The following E2F2 variants were observed in gnomAD, a reference collection of about 807,000 sequenced individuals.
The protein encoded by E2F2 is transcription factor E2F2.
In E2F2, 22 loss-of-function variants were observed where a neutral mutation model predicts 42.2. The ratio of observed to expected loss-of-function variants is 0.52; its 90% CI spans 0.37 to 0.74. The LOEUF is 0.74. Among genes scored for constraint, E2F2 ranks in the 30% least tolerant of loss-of-function variants. E2F2 has a pLI of 0.00. For synonymous variants in E2F2, 248 were observed against 251.6 expected, an observed-to-expected ratio of 0.99 and a Z score of 0.13; for missense variants, 481 against 557.8, an observed-to-expected ratio of 0.86 and a Z score of 1.39.
downstream of E2F2, chr1:23,506,370 C>T (rs113935328): frequency 0.028 from 4,240 of 152,496 alleles, 183 homozygotes; most frequent in African/African-American, 0.095. Context: ...AACACCCAGC[C>T]TGCGGGGACC....
chr1:23,510,224 C>T (rs925413474), intron 6 of E2F2, 76 bp from the exon 7 acceptor site: 2 of 1,446,626 alleles, frequency 1.4e-6, no homozygotes, highest in Non-Finnish European at 9.1e-7. Context: ...ACTTCCGGTT[C>T]TCTGGATGAC....
At position 23,530,101 on chromosome 1, in the gene E2F2, G is replaced by A. The variant is rs1233001800; in HGVS notation, c.252+441C>T. ...TGTCCATGGCAGATTGGATGTGAGA[G>A]ACCCACTAGACCTATCCCTCTGTCT... On this transcript the variant is annotated intron_variant, in intron 1 of 6. Transcript: ENST00000361729. The surrounding 1 kb of genome is among the most constrained non-coding windows in gnomAD (Gnocchi z 4.4). 6.6e-6 allele frequency among the ~76,000 whole-genome samples: 1 copy of A among 152,184 alleles called. No homozygotes were observed. Among genetic ancestry groups the A allele is most frequent in the Non-Finnish European group, 1.5e-5 (1 of 68,022 alleles).
chr1:23,530,980 AGAGATCGCCGCTTG>A lies in E2F2; in HGVS notation c.-201_-188del, dbSNP rs1469598310. On this transcript the variant is annotated 5_prime_UTR_variant, in exon 1 of 7. Coordinates refer to ENST00000361729, the MANE Select transcript of E2F2 (RefSeq NM_004091.4). The surrounding 1 kb of genome is among the most constrained non-coding windows in gnomAD (Gnocchi z 4.4). Reference sequence around the variant, plus strand: ...CGCGGCCGAGCAGAGAGCAGCGCTTAGAGATCGCCGCTTGGAGATCGCCCGGCGGCTGCGGTGGT... The same window carrying A: ...CGCGGCCGAGCAGAGAGCAGCGCTTAGAGATCGCCCGGCGGCTGCGGTGGT... The A allele has an allele frequency of 2.1e-5, 13 of 626,320 alleles. No homozygotes were observed. The East Asian group carries it at 3.0e-4, about 14-fold the overall frequency. The allele number at this position is 626,320 out of a possible 1,614,324, so 38.8% of individuals were successfully genotyped here.
chr1:23,509,718 C>G lies in E2F2; in HGVS notation c.*162G>C. On this transcript the variant is annotated 3_prime_UTR_variant, in exon 7 of 7. Transcript: ENST00000361729. ...CACTCCTCACCCGTACCATTCATAT[C>G]TCCCCACACAGCTTCTGCCGGCTGG... 2.2e-6 allele frequency: 3 copies of G among 1,349,424 alleles called. No individual in the cohort carries two copies. Among genetic ancestry groups the G allele is most frequent in the Non-Finnish European group, 1.9e-6 (2 of 1,030,266 alleles). 83.6% of individuals were successfully genotyped at this position (1,349,424 alleles called of 1,614,324 possible).
rs1300943413 is a variant in E2F2, at chr1:23,508,867, T to C, written c.*1013A>G. 6.6e-6 allele frequency: 1 copy of C among 152,180 alleles called. No homozygotes were observed. Among genetic ancestry groups the C allele is most frequent in the Non-Finnish European group, 1.5e-5 (1 of 68,070 alleles). The allele number at this position is 152,180 out of a possible 1,614,324, so 9.4% of individuals were successfully genotyped here. On this transcript the variant is annotated 3_prime_UTR_variant, in exon 7 of 7. Transcript: ENST00000361729. The stretch of plus-strand genomic sequence containing the variant: ...GCAGAGGGGATGCTTTTGGCAGTTT[T>C]TTGTTTTAATCTGACCCTTCTTTAC...
In E2F2 at chr1:23,531,041, G is replaced by A. The variant is rs1643333574; in HGVS notation, c.-248C>T. ...TGGTGGCACTGCCAGGGGCTGTCTC[G>A]TCCCGAGGGCACCGCGACCCGGGAC... On this transcript the variant is annotated 5_prime_UTR_variant, in exon 1 of 7. It adds an upstream start codon to the 5' untranslated region. Transcript: ENST00000361729. The A allele has an allele frequency of 9.7e-6, 4 of 411,598 alleles. No individual in the cohort carries two copies. In the East Asian group the frequency reaches 1.1e-4, roughly 12 times the overall value. 25.5% of individuals were successfully genotyped at this position (411,598 alleles called of 1,614,324 possible).
intron 6 of E2F2, among the ~76,000 whole-genome samples, chr1:23,513,443 C>T (rs370711024): frequency 6.6e-6 from 1 of 152,258 alleles, no homozygotes; most frequent in East Asian, 1.9e-4. Context: ...GAACACTTCC[C>T]CTGGTAATGC....
At chr1:23,522,322 C>T (rs549314020) in intron 2 of E2F2, among the ~76,000 whole-genome samples, 8 of 152,344 alleles carry the variant, frequency 5.3e-5, no homozygotes, top group African/African-American at 1.9e-4. Flanking sequence ...CACATTTCCA[C>T]CACAGCTTAG....
Position 23,530,472 on chromosome 1 carries a change from C to T in E2F2, c.252+70G>A. 6.4e-7 allele frequency: 1 copy of T among 1,572,178 alleles called. No individual in the cohort carries two copies. The highest frequency in any genetic ancestry group is 8.6e-7 in the Non-Finnish European group (1 of 1,162,022). ...TACCTGCTCCACTCAAACTGGATCTCAGGCACCCCTCCCTCCTTTCCCACA... is the reference window on the plus strand; with the variant it reads ...TACCTGCTCCACTCAAACTGGATCTTAGGCACCCCTCCCTCCTTTCCCACA... On this transcript the variant is annotated intron_variant, in intron 1 of 6. Transcript: ENST00000361729. This position sits in a 1 kb window ranked among gnomAD's most constrained non-coding sequence, Gnocchi z 4.4.
chr1:23,524,450 G>C lies in E2F2; in HGVS notation c.291C>G (p.Pro97=), dbSNP rs367603815. ...RKLDLEGIGR[P]VVPEFPTPKG... ...TGGGGGTTGGGAACTCAGGGACGAC[G>C]GGCCTCCCAATCCCCTCCAGATCCA... The change falls in exon 2 of 7, where the codon CCC becomes CCG. Residue 97 remains proline, a synonymous_variant. Coordinates refer to ENST00000361729, the MANE Select transcript of E2F2 (RefSeq NM_004091.4). The C allele has an allele frequency of 6.2e-7, 1 of 1,613,292 alleles. No homozygotes were observed. The highest frequency in any genetic ancestry group is 1.7e-5 in the Admixed American group (1 of 59,930).
chr1:23,516,540 G>A lies in E2F2; in HGVS notation c.853-13C>T. 1 of 1,593,098 alleles carries A rather than the reference G, an allele frequency of 6.3e-7. No individual in the cohort carries two copies. Among genetic ancestry groups the A allele is most frequent in the South Asian group, 1.1e-5 (1 of 88,136 alleles). On this transcript the variant is annotated splice_polypyrimidine_tract_variant and intron_variant, in intron 5 of 6. Transcript: ENST00000361729. ...TCTGCAGGTTGTCCTGGAGGAGGAA[G>A]AGAAGCCAGGTCATTGCTCTGGGCA...
chr1:23,510,229 G>A, intron 6 of E2F2, 81 bp from the exon 7 acceptor site: 4 of 1,446,440 alleles, frequency 2.8e-6, no homozygotes, highest in Non-Finnish European at 1.8e-6. Context: ...CGGTTCTCTG[G>A]ATGACTGCAC....
chr1:23,510,450 C>T (rs1642889166), intron 6 of E2F2, among the ~76,000 whole-genome samples: 1 of 152,134 alleles, frequency 6.6e-6, no homozygotes, highest in Non-Finnish European at 1.5e-5. Flanking sequence ...CTGAGCCTCC[C>T]GAGTAGCTGG....
intron 6 of E2F2, among the ~76,000 whole-genome samples, chr1:23,515,747 G>A (rs1643005632): frequency 6.6e-6 from 1 of 151,570 alleles, no homozygotes; most frequent in African/African-American, 2.4e-5. Flanking sequence ...TGTTGCCCAC[G>A]CTGGAGTGCA....
intron 3 of E2F2, 51 bp from the exon 4 acceptor site, chr1:23,521,122 C>G: frequency 6.6e-7 from 1 of 1,514,914 alleles, no homozygotes; most frequent in Non-Finnish European, 8.8e-7. Context: ...AACTCCAGAA[C>G]AAGGTCATTC....
chr1:23,518,339 C>T (rs1050686155), intron 5 of E2F2, among the ~76,000 whole-genome samples: 1 of 151,806 alleles, frequency 6.6e-6, no homozygotes, highest in Non-Finnish European at 1.5e-5. Flanking sequence ...GGAGTAGTGG[C>T]GGGCATCTGT....
At chr1:23,512,810 C>T (rs529054890) in intron 6 of E2F2, among the ~76,000 whole-genome samples, 27 of 151,892 alleles carry the variant, frequency 1.8e-4, no homozygotes, top group African/African-American at 6.3e-4. Flanking sequence ...ATGCTCTTCA[C>T]ACAAGCTTTT....
chr1:23,516,599 C>G, intron 5 of E2F2, 72 bp from the exon 6 acceptor site: 6 of 1,280,562 alleles, frequency 4.7e-6, no homozygotes, highest in Non-Finnish European at 6.4e-6. Context: ...TATGGACAGA[C>G]GCACGTGGCT....
At chr1:23,527,382 A>G (rs3218139) in intron 1 of E2F2, among the ~76,000 whole-genome samples, 74 of 152,344 alleles carry the variant, frequency 4.9e-4, no homozygotes, top group Admixed American at 2.4e-3. Context: ...AGGCCAGCTT[A>G]GCCCTATCCT....
Sources: gnomAD v4.1 joint callset for allele counts (sites outside exome capture counted in the v4.1 genomes callset) on GRCh38, gnomAD v4.1.1 for gene constraint, Gnocchi (gnomAD v3.1) non-coding constraint, MANE v1.5 for transcripts, NCBI Gene and HGNC (gene_info 2026-07-23, HGNC 2026-07-21) for gene names.